The following NYAP2 variants were observed in gnomAD, a reference collection of about 807,000 sequenced individuals.
NYAP2 encodes neuronal tyrosine-phosphorylated phosphoinositide-3-kinase adapter 2.
Under a neutral mutation model 50.4 loss-of-function variants are expected in NYAP2, and 23 were observed. That is an observed-to-expected ratio of 0.46 (90% CI 0.33 to 0.65). NYAP2 has a LOEUF of 0.65. Ranked by LOEUF, NYAP2 falls within the 30% of genes least tolerant of loss-of-function variation. The pLI is 0.02. For missense variants in NYAP2, 885 were observed against 861.0 expected, an observed-to-expected ratio of 1.03 and a Z score of -0.35; for synonymous variants, 394 against 365.2, an observed-to-expected ratio of 1.08 and a Z score of -0.90.
intron 4 of NYAP2, among the ~76,000 whole-genome samples, chr2:225,569,091 A>G (rs1371507338): frequency 6.6e-6 from 1 of 152,160 alleles, no homozygotes; most frequent in Non-Finnish European, 1.5e-5. Context: ...GGGATAGCAA[A>G]TAATTTTTAG....
At chr2:225,560,591 C>G (rs1691853881) in intron 4 of NYAP2, among the ~76,000 whole-genome samples, 1 of 152,004 alleles carries the variant, frequency 6.6e-6, no homozygotes, top group African/African-American at 2.4e-5. Context: ...TGGGATCTTT[C>G]CTATCAATAG....
At chr2:225,538,224 T>C (rs1014432254) in intron 4 of NYAP2, among the ~76,000 whole-genome samples, 1 of 152,186 alleles carries the variant, frequency 6.6e-6, no homozygotes, top group Non-Finnish European at 1.5e-5. Context: ...ACAACTCCAC[T>C]AGACAGTACC....
At position 225,465,759 on chromosome 2, in the gene NYAP2, G is replaced by A. The variant is rs576803190; in HGVS notation, c.222-47612G>A. 3.3e-5 allele frequency among the ~76,000 whole-genome samples: 5 copies of A among 152,124 alleles called. No individual in the cohort carries two copies. In the South Asian group the frequency reaches 1.0e-3, roughly 32 times the overall value. ...CAAAAAACACTCTCTGTGTCCTTGAGTGCATTGTTGAAAGACATGTCAGGT... is the reference window on the plus strand; with the variant it reads ...CAAAAAACACTCTCTGTGTCCTTGAATGCATTGTTGAAAGACATGTCAGGT... On this transcript the variant is annotated intron_variant, in intron 3 of 6. Transcript: ENST00000636099.
intron 4 of NYAP2, among the ~76,000 whole-genome samples, chr2:225,515,688 A>G (rs1690918285): frequency 6.6e-6 from 1 of 152,208 alleles, no homozygotes; most frequent in Non-Finnish European, 1.5e-5. Context: ...TGTGGTTCAT[A>G]GGTTTCCTTG....
intron 4 of NYAP2, among the ~76,000 whole-genome samples, chr2:225,535,113 T>A (rs1691325139): frequency 6.6e-6 from 1 of 152,190 alleles, no homozygotes; most frequent in Admixed American, 6.5e-5. Flanking sequence ...AGAAGTTAAA[T>A]GCCAAAGAAG....
At chr2:225,540,247 T>C (rs1397052934) in intron 4 of NYAP2, among the ~76,000 whole-genome samples, 2 of 152,230 alleles carry the variant, frequency 1.3e-5, no homozygotes, top group Admixed American at 1.3e-4. Flanking sequence ...TATTCAGATA[T>C]CTTTTCAGGA....
At chr2:225,477,669 CT>C (rs1472133546) in intron 3 of NYAP2, among the ~76,000 whole-genome samples, 1 of 152,162 alleles carries the variant, frequency 6.6e-6, no homozygotes, top group African/African-American at 2.4e-5. Flanking sequence ...TTCTCTCTCA[CT>C]GCATATGTGT....
chr2:225,516,112 A>G lies in NYAP2; in HGVS notation c.523+2440A>G, dbSNP rs182733564. ...TGGAGAAAATCGTGATTACTGTCCC[A>G]CAGAAGAAAAATTTGAGTGGCCATT... On this transcript the variant is annotated intron_variant, in intron 4 of 6. Transcript: ENST00000636099. Among the ~76,000 whole-genome samples the G allele has an allele frequency of 1.9e-4, 29 of 152,280 alleles. No homozygotes were observed. In the East Asian group the frequency reaches 5.2e-3, roughly 27 times the overall value.
At chr2:225,447,830 C>G in intron 3 of NYAP2, among the ~76,000 whole-genome samples, 1 of 152,324 alleles carries the variant, frequency 6.6e-6, no homozygotes, top group Admixed American at 6.5e-5. Flanking sequence ...GAACTTATAG[C>G]TCCCTGACCA....
chr2:225,447,054 G>C (rs1355788233), intron 3 of NYAP2, among the ~76,000 whole-genome samples: 1 of 151,872 alleles, frequency 6.6e-6, no homozygotes, highest in Non-Finnish European at 1.5e-5. Flanking sequence ...TGAGTGGGGG[G>C]AGCAAGATTG....
chr2:225,621,808 T>C (rs536755538), intron 5 of NYAP2, among the ~76,000 whole-genome samples: 1 of 152,236 alleles, frequency 6.6e-6, no homozygotes, highest in African/African-American at 2.4e-5. Context: ...TTGCTGTGAC[T>C]GGCTTATTTT....
chr2:225,606,545 T>C (rs758366521), intron 5 of NYAP2, among the ~76,000 whole-genome samples: 1 of 152,182 alleles, frequency 6.6e-6, no homozygotes, highest in African/African-American at 2.4e-5. Flanking sequence ...CACAGAGTAC[T>C]GCTTTGACTT....
chr2:225,518,574 G>A lies in NYAP2; in HGVS notation c.523+4902G>A, dbSNP rs10469673. Among the ~76,000 whole-genome samples, 2 of 79,812 alleles carry A rather than the reference G, an allele frequency of 2.5e-5. 1 individual carries two copies. Among genetic ancestry groups the A allele is most frequent in the Non-Finnish European group, 5.0e-5 (2 of 40,098 alleles). The allele number at this position is 79,812 out of a possible 152,430, so 52.4% of individuals were successfully genotyped here. A position where few individuals can be genotyped will look rare whatever the true frequency, so the allele number is the denominator to read the frequency against. On this transcript the variant is annotated intron_variant, in intron 4 of 6. Transcript: ENST00000636099. ...TATATATATATATATATATATTAGC[G>A]TGTGCGCTTATATATATATATATAT... is the stretch of plus-strand genomic sequence containing the variant.
At chr2:225,600,887 A>G (rs750703913) in intron 5 of NYAP2, among the ~76,000 whole-genome samples, 1 of 152,132 alleles carries the variant, frequency 6.6e-6, no homozygotes, top group Non-Finnish European at 1.5e-5. Context: ...GCAGGATTTC[A>G]TTACTTTTTT....
At chr2:225,654,095 T>G (rs1413362455), downstream of NYAP2, 1 of 151,824 alleles carries the variant, frequency 6.6e-6, no homozygotes, top group African/African-American at 2.4e-5. Context: ...CCCTCAACCA[T>G]AGTCTTGACT....
chr2:225,575,681 G>A (rs1218536122), intron 4 of NYAP2, among the ~76,000 whole-genome samples: 1 of 152,222 alleles, frequency 6.6e-6, no homozygotes, highest in African/African-American at 2.4e-5. Context: ...TTGGGAGAAA[G>A]TGGAAGCTGC....
At chr2:225,572,891 G>A (rs892496151) in intron 4 of NYAP2, among the ~76,000 whole-genome samples, 16 of 152,058 alleles carry the variant, frequency 1.1e-4, no homozygotes, top group African/African-American at 1.7e-4. Flanking sequence ...TGTGGCTGGC[G>A]ACCTCTACTC....
chr2:225,404,489 T>A lies in NYAP2; in HGVS notation c.-18+3446T>A, dbSNP rs556862287. Among the ~76,000 whole-genome samples the A allele has an allele frequency of 2.0e-5, 3 of 151,732 alleles. No homozygotes were observed. The East Asian group carries it at 5.8e-4, about 29-fold the overall frequency. On this transcript the variant is annotated intron_variant, in intron 2 of 6. Transcript: ENST00000636099. ...CTCTAGGTTCAGCATTGGAAAAGTATAATGATGGCCTTGCACAAAAGAAAA... is the reference window on the plus strand; with the variant it reads ...CTCTAGGTTCAGCATTGGAAAAGTAAAATGATGGCCTTGCACAAAAGAAAA...
the NYAP2 span, among the ~76,000 whole-genome samples, chr2:225,676,147 CTTAGT>C: frequency 6.6e-6 from 1 of 152,052 alleles, no homozygotes; most frequent in Non-Finnish European, 1.5e-5. Flanking sequence ...TGCAGAAGCT[CTTAGT>C]TTAACTAGGC....
Sources: allele counts gnomAD v4.1 joint callset (sites outside exome capture counted in the v4.1 genomes callset), GRCh38; gene constraint gnomAD v4.1.1; transcripts MANE v1.5; gene names NCBI Gene and HGNC (gene_info 2026-07-23, HGNC 2026-07-21).